Variants in TAFA2 observed in about 807,000 individuals in gnomAD.
TAFA2 encodes the protein chemokine-like protein TAFA-2.
TAFA2 carries 7 observed loss-of-function variants against 18.8 expected under a neutral mutation model. The ratio of observed to expected loss-of-function variants is 0.37; its 90% CI spans 0.21 to 0.70. The LOEUF is 0.70. Among genes scored for constraint, TAFA2 ranks in the 30% least tolerant of loss-of-function variants. The pLI is 0.53. For synonymous variants in TAFA2, 60 were observed against 54.2 expected, an observed-to-expected ratio of 1.11 and a Z score of -0.47; for missense variants, 122 against 158.1, an observed-to-expected ratio of 0.77 and a Z score of 1.23.
At chr12:62,085,482 C>A (rs1282798990) in intron 1 of TAFA2, among the ~76,000 whole-genome samples, 2 of 152,044 alleles carry the variant, frequency 1.3e-5, no homozygotes, top group Non-Finnish European at 2.9e-5. Context: ...TTAATTAATT[C>A]TCATGCTGGC....
chr12:62,172,275 AC>A (rs1042344756), intron 1 of TAFA2, among the ~76,000 whole-genome samples: 38 of 152,034 alleles, frequency 2.5e-4, no homozygotes, highest in African/African-American at 8.9e-4. Context: ...TTATTAAGAG[AC>A]AAAAATGTGC....
chr12:61,816,796 A>G (rs1350917803), intron 2 of TAFA2, among the ~76,000 whole-genome samples: 1 of 151,320 alleles, frequency 6.6e-6, no homozygotes, highest in East Asian at 1.9e-4. Flanking sequence ...CTGAGACTTG[A>G]ATGACAAGGA....
rs557308074 is a variant in TAFA2 at position 61,761,389 on chromosome 12, C to T, written c.107-6365G>A. 4.3e-4 allele frequency among the ~76,000 whole-genome samples: 65 copies of T among 151,936 alleles called. 2 individuals are homozygous for T. The South Asian group carries it at 0.014, about 32-fold the overall frequency. On this transcript the variant is annotated intron_variant, in intron 2 of 4. Coordinates refer to ENST00000416284, the MANE Select transcript of TAFA2 (RefSeq NM_178539.5). ...ATCTGATTGATCACTTGTGAACCAA[C>T]CATAAATACATGGGTATGAAAATAT...
chr12:62,235,160 G>A, intron 1 of TAFA2: 1 of 666,442 alleles, frequency 1.5e-6, no homozygotes, highest in Non-Finnish European at 2.9e-6. Context: ...CTTGCTGAGG[G>A]GGAGACACTC....
At chr12:62,150,739 C>T (rs1318593642) in intron 1 of TAFA2, among the ~76,000 whole-genome samples, 2 of 151,906 alleles carry the variant, frequency 1.3e-5, no homozygotes, top group East Asian at 1.9e-4. Flanking sequence ...CCCATCTCTA[C>T]CAAAAAAATA....
At chr12:61,816,856 A>G (rs1872106884) in intron 2 of TAFA2, among the ~76,000 whole-genome samples, 1 of 151,038 alleles carries the variant, frequency 6.6e-6, no homozygotes, top group Non-Finnish European at 1.5e-5. Flanking sequence ...ATCTGACTGA[A>G]CACTTGGAGG....
Position 62,147,881 on chromosome 12 carries a change from G to A in TAFA2, c.-2+43378C>T, listed in dbSNP as rs187131082. On this transcript the variant is annotated intron_variant, in intron 1 of 4. Coordinates refer to ENST00000416284, the MANE Select transcript of TAFA2 (RefSeq NM_178539.5). ...AAACATCAACAAGAAAAAAATAACC[G>A]CAATAAGAAGTTGGCAAAGGACATG... 9.1e-4 allele frequency among the ~76,000 whole-genome samples: 138 copies of A among 151,786 alleles called. 1 individual carries two copies. In the East Asian group the frequency reaches 0.018, roughly 20 times the overall value.
chr12:62,142,908 G>C (rs77959036), intron 1 of TAFA2, among the ~76,000 whole-genome samples: 3,752 of 152,038 alleles, frequency 0.025, 150 homozygotes, highest in African/African-American at 0.085. Flanking sequence ...TTATGAGAAC[G>C]CTATTATATA....
At chr12:61,929,403 A>C (rs938288869) in intron 1 of TAFA2, among the ~76,000 whole-genome samples, 1 of 152,182 alleles carries the variant, frequency 6.6e-6, no homozygotes, top group African/African-American at 2.4e-5. Context: ...CACATGAAAA[A>C]ATGCTCATCA....
intron 1 of TAFA2, among the ~76,000 whole-genome samples, chr12:61,946,353 C>T (rs981438903): frequency 2.1e-5 from 3 of 141,256 alleles, no homozygotes; most frequent in African/African-American, 8.0e-5. Flanking sequence ...CCATAAAAAC[C>T]CTAGAAGAAA....
At chr12:61,946,371 C>T (rs1192091605) in intron 1 of TAFA2, among the ~76,000 whole-genome samples, 6 of 135,714 alleles carry the variant, frequency 4.4e-5, no homozygotes, top group Admixed American at 1.5e-4. Flanking sequence ...AAAACCTAGG[C>T]ATTACCATTC....
intron 1 of TAFA2, among the ~76,000 whole-genome samples, chr12:61,894,906 G>A (rs146675249): frequency 6.6e-6 from 1 of 152,272 alleles, no homozygotes; most frequent in Non-Finnish European, 1.5e-5. Flanking sequence ...ACTATCATGT[G>A]GTTATGTATC....
At chr12:61,983,383 GTTTGTTTTGTTTTGTTTTGT>G (rs10524394) in intron 1 of TAFA2, among the ~76,000 whole-genome samples, 7 of 146,756 alleles carry the variant, frequency 4.8e-5, no homozygotes, top group East Asian at 4.0e-4. Flanking sequence ...CTGGGATTCT[GTTTGTTTTGTTTTGTTTTGT>G]TTTGTTTTGT....
chr12:61,711,837 A>G (rs1017016527), intron 4 of TAFA2, among the ~76,000 whole-genome samples: 9 of 152,088 alleles, frequency 5.9e-5, no homozygotes, highest in Admixed American at 5.2e-4. Flanking sequence ...GGTTGGAAAC[A>G]CATGAAGAGC....
intron 4 of TAFA2, among the ~76,000 whole-genome samples, chr12:61,723,172 A>T (rs1468123914): frequency 2.0e-5 from 3 of 152,168 alleles, no homozygotes; most frequent in Non-Finnish European, 4.4e-5. Context: ...GATTTATCCG[A>T]TCAGCACTTT....
At chr12:61,812,623 G>A (rs992196703) in intron 2 of TAFA2, among the ~76,000 whole-genome samples, 8 of 148,190 alleles carry the variant, frequency 5.4e-5, no homozygotes, top group South Asian at 2.1e-4. Context: ...AGGCTGGAGC[G>A]CAGTGGCACA....
In TAFA2 at chr12:62,074,442, C is replaced by A. The variant is rs574128953; in HGVS notation, c.-2+116817G>T. On this transcript the variant is annotated intron_variant, in intron 1 of 4. Coordinates refer to ENST00000416284, the MANE Select transcript of TAFA2 (RefSeq NM_178539.5). The stretch of plus-strand genomic sequence containing the variant: ...TTTGGAGAGTGACATGTCTTATGAG[C>A]TAATTAATAATTTATTAAAATTAAG... Among the ~76,000 whole-genome samples the A allele has an allele frequency of 2.0e-4, 30 of 152,230 alleles. No individual in the cohort carries two copies. In the East Asian group the frequency reaches 5.6e-3, roughly 28 times the overall value.
intron 2 of TAFA2, among the ~76,000 whole-genome samples, chr12:61,769,407 C>A (rs1869929399): frequency 6.6e-6 from 1 of 151,824 alleles, no homozygotes. Context: ...TTGAAAGCAC[C>A]ACCTCTTAGC....
intron 1 of TAFA2, among the ~76,000 whole-genome samples, chr12:62,074,108 C>T (rs758849279): frequency 6.6e-6 from 1 of 152,178 alleles, no homozygotes; most frequent in Non-Finnish European, 1.5e-5. Context: ...TTATGCAGCA[C>T]AGTCATTTAA....
Sources: allele counts gnomAD v4.1 joint callset (sites outside exome capture counted in the v4.1 genomes callset), GRCh38; gene constraint gnomAD v4.1.1; transcripts MANE v1.5; gene names NCBI Gene and HGNC (gene_info 2026-07-23, HGNC 2026-07-21).